The following PCDHGC4 variants were observed in gnomAD, a reference collection of about 807,000 sequenced individuals.
PCDHGC4 encodes the protein protocadherin gamma subfamily C, 4, also known as protocadherin gamma-C4.
PCDHGC4 carries 15 observed loss-of-function variants against 59.7 expected under a neutral mutation model. The observed-to-expected ratio is 0.25, with a 90% CI of 0.17 to 0.39. The LOEUF is 0.39. Ranked by LOEUF, PCDHGC4 falls within the 10% of genes least tolerant of loss-of-function variation. The pLI is 1.00. For missense variants in PCDHGC4, 1,016 were observed against 1,189.5 expected (o/e 0.85, Z 2.15); for synonymous variants, 434 against 481.4 (o/e 0.90, Z 1.29).
intron 2 of PCDHGC4, among the ~76,000 whole-genome samples, chr5:141,499,738 A>G (rs1284003023): frequency 2.4e-5 from 3 of 127,268 alleles, no homozygotes; most frequent in South Asian, 2.4e-4. Flanking sequence ...TCTCTTGCCC[A>G]GGCTGTGGCA....
intron 3 of PCDHGC4, among the ~76,000 whole-genome samples, chr5:141,509,722 C>A (rs919655821): frequency 5.9e-5 from 9 of 152,140 alleles, no homozygotes; most frequent in African/African-American, 2.2e-4. Flanking sequence ...CTGATGTCAC[C>A]TAGCTGTGGC....
In PCDHGC4 at chr5:141,491,921, A is replaced by T; in HGVS notation, c.2443-2886A>T. ...CCGGGGGTGGTGGCGACTGTGGGCG[A>T]GGGGAGGTGGGACCGACCCCCACCC... On this transcript the variant is annotated intron_variant, in intron 1 of 3. Coordinates refer to ENST00000306593, the MANE Select transcript of PCDHGC4 (RefSeq NM_018928.3). The surrounding 1 kb of genome is among the most constrained non-coding windows in gnomAD (Gnocchi z 6.9). The T allele has an allele frequency of 1.5e-6, 2 of 1,353,738 alleles. No homozygotes were observed. Among genetic ancestry groups the T allele is most frequent in the Non-Finnish European group, 2.0e-6 (2 of 1,013,388 alleles). 83.9% of individuals were successfully genotyped at this position (1,353,738 alleles called of 1,614,324 possible). A position where few individuals can be genotyped will look rare whatever the true frequency, so the allele number is the denominator to read the frequency against.
chr5:141,486,843 A>G lies in PCDHGC4; in HGVS notation c.1670A>G (p.Asp557Gly), dbSNP rs1455684942. Residue 557 changes from aspartate (D) to glycine (G), a missense_variant, in exon 1 of 4, where the codon GAC (aspartate) becomes GGC (glycine). Coordinates refer to ENST00000306593, the MANE Select transcript of PCDHGC4 (RefSeq NM_018928.3). The surrounding 1 kb of genome is among the most constrained non-coding windows in gnomAD (Gnocchi z 5.0). The part of the protein sequence containing the change: ...STVTVRLFVL[D>G]LNDNAPAVLR... ...GTAACAGTTCGTCTATTTGTGCTGG[A>G]CCTCAATGACAATGCTCCAGCTGTG... 6.2e-7 allele frequency: 1 copy of G among 1,614,214 alleles called. No homozygotes were observed. Among genetic ancestry groups the G allele is most frequent in the Admixed American group, 1.7e-5 (1 of 60,034 alleles).
chr5:141,494,927 G>A, intron 2 of PCDHGC4, 62 bp downstream of exon 2: 1 of 1,613,516 alleles, frequency 6.2e-7, no homozygotes, highest in Non-Finnish European at 8.5e-7. Flanking sequence ...GATGACGTGG[G>A]AGGAGATGGG....
rs774079222 is a variant in PCDHGC4, at chr5:141,491,314, C to G, written c.2443-3493C>G. On this transcript the variant is annotated intron_variant, in intron 1 of 3. Transcript: ENST00000306593. The surrounding 1 kb of genome is among the most constrained non-coding windows in gnomAD (Gnocchi z 6.9). ...CCCTCCTGAGCGTTCAGACCTTACC[C>G]TTTACCTCATTGTGGCTCTAGCGAC... is the stretch of plus-strand genomic sequence containing the variant. 6 of 1,614,064 alleles carry G rather than the reference C, an allele frequency of 3.7e-6. No individual in the cohort carries two copies. In the South Asian group the frequency reaches 5.5e-5, roughly 15 times the overall value.
chr5:141,506,109 A>G (rs1027886504), intron 3 of PCDHGC4, among the ~76,000 whole-genome samples: 5 of 152,126 alleles, frequency 3.3e-5, no homozygotes, highest in Middle Eastern at 3.2e-3. Flanking sequence ...GTCCCTGAAG[A>G]GTCACTAGGG....
In PCDHGC4 at chr5:141,491,942, C is replaced by A; in HGVS notation, c.2443-2865C>A. The A allele has an allele frequency of 8.9e-7, 1 of 1,122,490 alleles. No individual in the cohort carries two copies. The highest frequency in any genetic ancestry group is 1.2e-6 in the Non-Finnish European group (1 of 824,374). 69.5% of individuals were successfully genotyped at this position (1,122,490 alleles called of 1,614,324 possible). The stretch of plus-strand genomic sequence containing the variant: ...GGCGAGGGGAGGTGGGACCGACCCC[C>A]ACCCCTACACTCAAAAAAGGCCGGG... On this transcript the variant is annotated intron_variant, in intron 1 of 3. Transcript: ENST00000306593. The surrounding 1 kb of genome is among the most constrained non-coding windows in gnomAD (Gnocchi z 6.9).
rs762312563 is a variant in PCDHGC4 at position 141,493,182 on chromosome 5, A to G, written c.2443-1625A>G. Among the ~76,000 whole-genome samples, 1 of 152,232 alleles carries G rather than the reference A, an allele frequency of 6.6e-6. No homozygotes were observed. The highest frequency in any genetic ancestry group is 2.4e-5 in the African/African-American group (1 of 41,460). The stretch of plus-strand genomic sequence containing the variant: ...TAGCTGATTGAGAGAAACTTACTAT[A>G]TAACTCCTTTGAGAACCTCATCTCA... On this transcript the variant is annotated intron_variant, in intron 1 of 3. Coordinates refer to ENST00000306593, the MANE Select transcript of PCDHGC4 (RefSeq NM_018928.3). The surrounding 1 kb of genome is among the most constrained non-coding windows in gnomAD (Gnocchi z 4.3).
At chr5:141,495,286 A>T (rs1341490472) in intron 2 of PCDHGC4, among the ~76,000 whole-genome samples, 2 of 152,088 alleles carry the variant, frequency 1.3e-5, no homozygotes, top group Non-Finnish European at 2.9e-5. Context: ...GGCGGTCCGC[A>T]CTCAGCGCCT....
Position 141,487,106 on chromosome 5 carries a change from A to G in PCDHGC4, c.1933A>G (p.Ile645Val), listed in dbSNP as rs777727830. ...TGACCTCCCACCACAGAAGCTGGTC[A>G]TTGTGGTAAAGGATAGTGGTAGTCC... The part of the protein sequence containing the change: ...PADLPPQKLV[I>V]VVKDSGSPPL... Residue 645 changes from isoleucine (I) to valine (V), a missense_variant, in exon 1 of 4, where the codon ATT becomes GTT. Ile to Val is a conservative substitution (Grantham distance 29). Transcript: ENST00000306593. The surrounding 1 kb of genome is among the most constrained non-coding windows in gnomAD (Gnocchi z 5.0). 1 of 1,613,902 alleles carries G rather than the reference A, an allele frequency of 6.2e-7. No individual in the cohort carries two copies. The highest frequency in any genetic ancestry group is 1.3e-5 in the African/African-American group (1 of 75,028).
intron 2 of PCDHGC4, among the ~76,000 whole-genome samples, chr5:141,501,301 ACAC>A (rs1380901086): frequency 6.6e-6 from 1 of 150,882 alleles, no homozygotes; most frequent in African/African-American, 2.4e-5. Context: ...ACACACACAC[ACAC>A]ACACACACAC....
rs10040701 is a variant in PCDHGC4 at position 141,508,490 on chromosome 5, A to G, written c.2591-2457A>G. ...TCTTTCTTTTACATTCTGGATTTCC[A>G]TATCTTCTCTCCCTCCTGGTCCAGC... On this transcript the variant is annotated intron_variant, in intron 3 of 3. Transcript: ENST00000306593. Among the ~76,000 whole-genome samples, 377 of 152,202 alleles carry G rather than the reference A, an allele frequency of 2.5e-3. 1 individual carries two copies. The highest frequency in any genetic ancestry group is 8.6e-3 in the African/African-American group (358 of 41,530).
chr5:141,505,182 C>T (rs1302018549), intron 2 of PCDHGC4, among the ~76,000 whole-genome samples: 2 of 152,094 alleles, frequency 1.3e-5, no homozygotes, highest in East Asian at 3.9e-4. Context: ...AAAAAAGCAT[C>T]GGAGGCAGCA....
rs759647406 is a variant in PCDHGC4 at position 141,493,849 on chromosome 5, A to G, written c.2443-958A>G. Among the ~76,000 whole-genome samples the G allele has an allele frequency of 6.6e-6, 1 of 152,178 alleles. No individual in the cohort carries two copies. The highest frequency in any genetic ancestry group is 1.5e-5 in the Non-Finnish European group (1 of 68,028). ...CTGGGAGCAAGTATGAGTATTAATT[A>G]CCAGCCCACCCCAGAACCAGTGAGG... On this transcript the variant is annotated intron_variant, in intron 1 of 3. Coordinates refer to ENST00000306593, the MANE Select transcript of PCDHGC4 (RefSeq NM_018928.3). The surrounding 1 kb of genome is among the most constrained non-coding windows in gnomAD (Gnocchi z 4.3).
intron 2 of PCDHGC4, among the ~76,000 whole-genome samples, chr5:141,501,166 C>T (rs1443045812): frequency 6.6e-6 from 1 of 152,154 alleles, no homozygotes; most frequent in African/African-American, 2.4e-5. Flanking sequence ...CATCCCCAGC[C>T]TCATTTACAT....
rs191354649 is a variant in PCDHGC4 at position 141,510,446 on chromosome 5, C to T, written c.2591-501C>T. 8.9e-4 allele frequency among the ~76,000 whole-genome samples: 135 copies of T among 152,154 alleles called. 1 individual carries two copies. Among genetic ancestry groups the T allele is most frequent in the Non-Finnish European group, 1.7e-3 (114 of 68,010 alleles). On this transcript the variant is annotated intron_variant, in intron 3 of 3. Coordinates refer to ENST00000306593, the MANE Select transcript of PCDHGC4 (RefSeq NM_018928.3). ...TTTCATGGCTGCTGCCCTCCAGGAG[C>T]CCATGGTCTAGTGTGGGAGTCAGAG...
At position 141,489,297 on chromosome 5, in the gene PCDHGC4, G is replaced by A. The variant is rs184934961; in HGVS notation, c.2442+1682G>A. 5.1e-6 allele frequency: 8 copies of A among 1,583,774 alleles called. No homozygotes were observed. Among genetic ancestry groups the A allele is most frequent in the Non-Finnish European group, 6.9e-6 (8 of 1,164,904 alleles). ...GGAAATGGCAAGTGCTGTGCATGTT[G>A]TCCTTGTGCTGCTGGGGCTGGGTGT... is the stretch of plus-strand genomic sequence containing the variant. On this transcript the variant is annotated intron_variant, in intron 1 of 3. Coordinates refer to ENST00000306593, the MANE Select transcript of PCDHGC4 (RefSeq NM_018928.3). This position sits in a 1 kb window ranked among gnomAD's most constrained non-coding sequence, Gnocchi z 4.5.
In PCDHGC4 at chr5:141,511,224, G is replaced by T. The variant is rs752401867; in HGVS notation, c.*51G>T. On this transcript the variant is annotated 3_prime_UTR_variant, in exon 4 of 4. Coordinates refer to ENST00000306593, the MANE Select transcript of PCDHGC4 (RefSeq NM_018928.3). ...GGGCGGCCTCTCCCCAACCAGCCCA[G>T]CTTCTCCTTACCTGCACCCAGGCCT... is the stretch of plus-strand genomic sequence containing the variant. 44 of 1,603,158 alleles carry T rather than the reference G, an allele frequency of 2.7e-5. No individual in the cohort carries two copies. Among genetic ancestry groups the T allele is most frequent in the Non-Finnish European group, 3.6e-5 (42 of 1,174,924 alleles).
At chr5:141,501,570 G>C (rs1251110101) in intron 2 of PCDHGC4, among the ~76,000 whole-genome samples, 1 of 151,996 alleles carries the variant, frequency 6.6e-6, no homozygotes, top group African/African-American at 2.4e-5. Flanking sequence ...ATCATATTAG[G>C]CTGGCTTTCA....
Sources: gnomAD v4.1 joint callset for allele counts (sites outside exome capture counted in the v4.1 genomes callset) on GRCh38, gnomAD v4.1.1 for gene constraint, Gnocchi (gnomAD v3.1) non-coding constraint, MANE v1.5 for transcripts, NCBI Gene and HGNC (gene_info 2026-07-23, HGNC 2026-07-21) for gene names.